SCN3A: variants seen among roughly 807,000 people sequenced by gnomAD.
The protein encoded by SCN3A is sodium voltage-gated channel alpha subunit 3, also known as sodium channel protein type 3 subunit alpha.
In SCN3A, 60 loss-of-function variants were observed where a neutral mutation model predicts 187.6. The observed-to-expected ratio is 0.32, with a 90% CI of 0.26 to 0.40. The LOEUF (loss-of-function observed/expected upper bound fraction) is 0.40. Ranked by LOEUF, SCN3A falls within the 10% of genes least tolerant of loss-of-function variation. The pLI is 1.00. For missense variants in SCN3A, 1,601 were observed against 2,428.2 expected, an observed-to-expected ratio of 0.66 and a Z score of 7.16; for synonymous variants, 788 against 829.2, an observed-to-expected ratio of 0.95 and a Z score of 0.85.
rs765377495 is a variant in SCN3A at position 165,091,013 on chromosome 2, A to G, written c.5140T>C (p.Leu1714=). The part of the protein sequence containing the change: ...QITTSAGWDG[L]LAPILNSAPP... ...GCACTATTAAGAATAGGTGCTAGCA[A>G]TCCATCCCAGCCAGCAGAGGTTGTA... is the stretch of plus-strand genomic sequence containing the variant. The change falls in exon 28 of 28, where the codon TTG becomes CTG. Residue 1714 remains leucine (L), a synonymous_variant. Coordinates refer to ENST00000283254, the MANE Select transcript of SCN3A (RefSeq NM_006922.4). 11 of 1,614,042 alleles carry G rather than the reference A, an allele frequency of 6.8e-6. No homozygotes were observed. In the East Asian group the frequency reaches 2.5e-4, roughly 36 times the overall value.
chr2:165,139,129 GC>G (rs1280839540), intron 14 of SCN3A, among the ~76,000 whole-genome samples: 2 of 152,100 alleles, frequency 1.3e-5, no homozygotes, highest in Non-Finnish European at 2.9e-5. Flanking sequence ...ACAGACTAAA[GC>G]CTGAAAGAAA....
At chr2:165,091,860 G>A (rs2105624387) in intron 27 of SCN3A, 1 of 302,850 alleles carries the variant, frequency 3.3e-6, no homozygotes, top group African/African-American at 2.2e-5. Context: ...CTTTATCTCT[G>A]GAAGCCTGTG....
intron 21 of SCN3A, among the ~76,000 whole-genome samples, chr2:165,111,806 T>C (rs1399551198): frequency 6.6e-6 from 1 of 152,150 alleles, no homozygotes; most frequent in Non-Finnish European, 1.5e-5. Context: ...TTGAAATTCA[T>C]CTCTATTATT....
intron 12 of SCN3A, among the ~76,000 whole-genome samples, chr2:165,146,085 T>A (rs1688303704): frequency 6.6e-6 from 1 of 152,102 alleles, no homozygotes; most frequent in South Asian, 2.1e-4. Context: ...TTGATGCTGT[T>A]CTCTTCAAGA....
chr2:165,135,028 A>AT (rs1559215812), intron 15 of SCN3A, among the ~76,000 whole-genome samples: 1 of 152,104 alleles, frequency 6.6e-6, no homozygotes, highest in African/African-American at 2.4e-5. Flanking sequence ...AATGACAGCT[A>AT]TATCTCTGTA....
chr2:165,154,378 T>TCTATAGTATAACA, intron 11 of SCN3A, 74 bp downstream of exon 11: 1 of 1,492,630 alleles, frequency 6.7e-7, no homozygotes. Flanking sequence ...CAATCTACCC[T>TCTATAGTATAACA]CTATAGTATA....
At position 165,113,110 on chromosome 2, in the gene SCN3A, A is replaced by G. The variant is rs1035344098; in HGVS notation, c.3670-52T>C. ...CTTAAATGGCTTGCTTCTTCTAAAT[A>G]TTTGAAAAAATTGCTTAGTATAATA... is the stretch of plus-strand genomic sequence containing the variant. On this transcript the variant is annotated intron_variant, in intron 20 of 27. Transcript: ENST00000283254. 4 of 1,380,952 alleles carry G rather than the reference A, an allele frequency of 2.9e-6. No homozygotes were observed. In the African/African-American group the frequency reaches 4.3e-5, roughly 15 times the overall value. 85.5% of individuals were successfully genotyped at this position (1,380,952 alleles called of 1,614,324 possible).
At position 165,154,674 on chromosome 2, in the gene SCN3A, G is replaced by A. The variant is rs1273818414; in HGVS notation, c.1174-16C>T. The A allele has an allele frequency of 6.3e-7, 1 of 1,599,848 alleles. No homozygotes were observed. Among genetic ancestry groups the A allele is most frequent in the South Asian group, 1.1e-5 (1 of 90,780 alleles). On this transcript the variant is annotated splice_polypyrimidine_tract_variant and intron_variant, in intron 10 of 27. Transcript: ENST00000283254. ...CACGTAATGTCTAGGGGAAATGGGG[G>A]ATAATTCCATCAGTATTTTAGTATA...
chr2:165,161,137 CTT>C (rs61608647), intron 9 of SCN3A, among the ~76,000 whole-genome samples: 215 of 93,378 alleles, frequency 2.3e-3, no homozygotes, highest in African/African-American at 6.7e-3. Context: ...TTCTTTCTTT[CTT>C]TTTTTTTTTT....
In SCN3A at chr2:165,113,674, C is replaced by T. The variant is rs182231156; in HGVS notation, c.3669+142G>A. 2.8e-4 allele frequency: 238 copies of T among 846,274 alleles called. No individual in the cohort carries two copies. In the East Asian group the frequency reaches 5.5e-3, roughly 20 times the overall value. The allele number at this position is 846,274 out of a possible 1,614,324, so 52.4% of individuals were successfully genotyped here. On this transcript the variant is annotated intron_variant, in intron 20 of 27. Transcript: ENST00000283254. Reference sequence around the variant, plus strand: ...ATTTGTTCAGAACTGAATTTTGCATCGTTAAACCTTGGGTGCCAAGCTCTG... The same window carrying T: ...ATTTGTTCAGAACTGAATTTTGCATTGTTAAACCTTGGGTGCCAAGCTCTG...
intron 1 of SCN3A, among the ~76,000 whole-genome samples, chr2:165,193,902 T>C (rs1243609430): frequency 6.6e-6 from 1 of 152,032 alleles, no homozygotes; most frequent in East Asian, 1.9e-4. Flanking sequence ...ACAGGATGAT[T>C]TAGGTGTGTC....
rs777791237 is a variant in SCN3A, at chr2:165,154,484, C to A, written c.1348G>T (p.Glu450Ter). Residue 450 changes from glutamate to a stop codon, truncating the protein, a stop_gained, in exon 11 of 28, where the codon GAA becomes TAA. Coordinates refer to ENST00000283254, the MANE Select transcript of SCN3A (RefSeq NM_006922.4). LOFTEE classifies it high-confidence loss of function. ...TCTTCCTGTTGCTTTTTAAGCTGTT[C>A]GAGCATCTGCTGAAATTCGGCCTCT... ...QKEAEFQQML[E>*]QLKKQQEEAQ... 6.2e-7 allele frequency: 1 copy of A among 1,614,060 alleles called. No homozygotes were observed. Among genetic ancestry groups the A allele is most frequent in the South Asian group, 1.1e-5 (1 of 91,072 alleles).
chr2:165,115,328 A>G, intron 19 of SCN3A, 127 bp downstream of exon 19: 1 of 1,212,754 alleles, frequency 8.2e-7, no homozygotes, highest in South Asian at 1.3e-5. Context: ...TAGCCTCCCA[A>G]AATTTTGGGG....
intron 1 of SCN3A, among the ~76,000 whole-genome samples, chr2:165,196,777 G>C (rs1005100696): frequency 1.3e-5 from 2 of 152,112 alleles, no homozygotes; most frequent in African/African-American, 4.8e-5. Flanking sequence ...TACAGAATCT[G>C]CCTTTCCTCC....
intron 11 of SCN3A, among the ~76,000 whole-genome samples, chr2:165,149,379 T>A (rs1023003759): frequency 2.6e-5 from 4 of 152,102 alleles, no homozygotes; most frequent in African/African-American, 4.8e-5. Flanking sequence ...TTCACTATGT[T>A]GGCCAGGCTG....
rs1688331699 is a variant in SCN3A at position 165,146,406 on chromosome 2, GTGT to G, written c.1671+330_1671+332del. ...TATGTGTGTGTGTGTGTGTGTGTGT[GTGT>G]GTGTGTGTGTATAGACACATATATA... On this transcript the variant is annotated intron_variant, in intron 12 of 27. Coordinates refer to ENST00000283254, the MANE Select transcript of SCN3A (RefSeq NM_006922.4). 2.1e-5 allele frequency among the ~76,000 whole-genome samples: 3 copies of G among 143,490 alleles called. No individual in the cohort carries two copies. In the Admixed American group the frequency reaches 2.1e-4, roughly 10 times the overall value. The allele number at this position is 143,490 out of a possible 152,430, so 94.1% of individuals were successfully genotyped here. A position where few individuals can be genotyped will look rare whatever the true frequency, so the allele number is the denominator to read the frequency against.
intron 1 of SCN3A, among the ~76,000 whole-genome samples, chr2:165,200,195 A>G (rs1413779821): frequency 1.3e-5 from 2 of 152,120 alleles, no homozygotes; most frequent in East Asian, 1.9e-4. Flanking sequence ...ACAGAAATAG[A>G]GTTAAGTAAT....
intron 19 of SCN3A, among the ~76,000 whole-genome samples, chr2:165,114,273 G>C (rs1275180373): frequency 6.6e-6 from 1 of 152,184 alleles, no homozygotes. Flanking sequence ...AAATAGTCCA[G>C]GTGCATCTCT....
chr2:165,190,145 A>G (rs1420323897), intron 1 of SCN3A, among the ~76,000 whole-genome samples: 2 of 152,190 alleles, frequency 1.3e-5, no homozygotes, highest in Non-Finnish European at 2.9e-5. Flanking sequence ...TCAGGTCCCT[A>G]TGAAAGAGGT....
Sources: allele counts gnomAD v4.1 joint callset (sites outside exome capture counted in the v4.1 genomes callset), GRCh38; gene constraint gnomAD v4.1.1; transcripts MANE v1.5; gene names NCBI Gene and HGNC (gene_info 2026-07-23, HGNC 2026-07-21).